LRRTM4: variants seen among roughly 807,000 people sequenced by gnomAD.
LRRTM4 encodes the protein leucine rich repeat transmembrane neuronal 4.
LRRTM4 carries 25 observed loss-of-function variants against 47.6 expected under a neutral mutation model. The observed-to-expected ratio is 0.53, with a 90% CI of 0.38 to 0.73. The LOEUF (loss-of-function observed/expected upper bound fraction) is 0.73. LRRTM4 is among the 30% of genes least tolerant of loss of function. LRRTM4 has a pLI of 0.00. For synonymous variants in LRRTM4, 311 were observed against 269.5 expected (o/e 1.15, Z -1.51); for missense variants, 638 against 713.4 (o/e 0.89, Z 1.20).
chr2:77,089,127 G>C (rs999856507), intron 3 of LRRTM4, among the ~76,000 whole-genome samples: 2 of 151,954 alleles, frequency 1.3e-5, no homozygotes, highest in African/African-American at 4.8e-5. Context: ...TCACCCTTAG[G>C]GGCAAGTCCC....
intron 3 of LRRTM4, among the ~76,000 whole-genome samples, chr2:76,999,737 C>A (rs1368661245): frequency 6.6e-6 from 1 of 152,094 alleles, no homozygotes; most frequent in Non-Finnish European, 1.5e-5. Flanking sequence ...TCAATTTTGT[C>A]TTTCACGGCA....
intron 3 of LRRTM4, among the ~76,000 whole-genome samples, chr2:76,938,791 T>C (rs1675041588): frequency 6.6e-6 from 1 of 152,174 alleles, no homozygotes; most frequent in African/African-American, 2.4e-5. Flanking sequence ...ACTGAAAAAG[T>C]ATATTTAATA....
intron 3 of LRRTM4, among the ~76,000 whole-genome samples, chr2:77,236,811 T>A (rs1048528780): frequency 6.6e-6 from 1 of 152,172 alleles, no homozygotes; most frequent in African/African-American, 2.4e-5. Flanking sequence ...TCTGTTTATA[T>A]GGTGAATCAC....
At chr2:77,183,483 G>C (rs1228491156) in intron 3 of LRRTM4, among the ~76,000 whole-genome samples, 2 of 152,082 alleles carry the variant, frequency 1.3e-5, no homozygotes, top group African/African-American at 4.8e-5. Flanking sequence ...ACTGTTGGTG[G>C]GACTGTAAAC....
intron 3 of LRRTM4, among the ~76,000 whole-genome samples, chr2:76,766,802 A>G (rs543778853): frequency 2.6e-5 from 4 of 152,228 alleles, no homozygotes; most frequent in African/African-American, 7.2e-5. Flanking sequence ...GTCTACTGGC[A>G]TCTAGTGGGT....
intron 3 of LRRTM4, among the ~76,000 whole-genome samples, chr2:76,924,364 T>C (rs1467915738): frequency 6.6e-6 from 1 of 152,132 alleles, no homozygotes; most frequent in Non-Finnish European, 1.5e-5. Flanking sequence ...ATAAACCATA[T>C]ATTCATCCCA....
chr2:76,781,487 G>A (rs967897130), intron 3 of LRRTM4, among the ~76,000 whole-genome samples: 5 of 152,222 alleles, frequency 3.3e-5, no homozygotes, highest in Non-Finnish European at 5.9e-5. Flanking sequence ...TCTGAAAAGC[G>A]CAGTATTCGG....
At chr2:76,983,221 A>G (rs948563722) in intron 3 of LRRTM4, among the ~76,000 whole-genome samples, 1 of 152,058 alleles carries the variant, frequency 6.6e-6, no homozygotes, top group Non-Finnish European at 1.5e-5. Flanking sequence ...GTATGGTTAG[A>G]ATGAGGCAGA....
intron 3 of LRRTM4, among the ~76,000 whole-genome samples, chr2:77,239,012 TA>T (rs1290854887): frequency 1.3e-5 from 2 of 151,464 alleles, no homozygotes; most frequent in East Asian, 3.9e-4. Context: ...TTTTTTTAAA[TA>T]AAAAAATTTA....
rs1182483126 is a variant in LRRTM4 at position 76,956,064 on chromosome 2, G to T, written c.1552-207148C>A. Among the ~76,000 whole-genome samples the T allele has an allele frequency of 2.0e-5, 3 of 150,858 alleles. No individual in the cohort carries two copies. In the Admixed American group the frequency reaches 2.0e-4, roughly 10 times the overall value. On this transcript the variant is annotated intron_variant, in intron 3 of 3. Transcript: ENST00000409884. ...TTCAAAGAATAATATTCAACTGTAG[G>T]CTGTCTAGAAGAGACTCATTTTAGA...
At chr2:77,259,831 A>C (rs1558657775) in intron 3 of LRRTM4, among the ~76,000 whole-genome samples, 1 of 152,090 alleles carries the variant, frequency 6.6e-6, no homozygotes, top group African/African-American at 2.4e-5. Flanking sequence ...CTTAGTTTTC[A>C]TTCCTTCCAT....
At chr2:77,219,696 T>G (rs533050482) in intron 3 of LRRTM4, among the ~76,000 whole-genome samples, 88 of 152,290 alleles carry the variant, frequency 5.8e-4, no homozygotes, top group Admixed American at 3.2e-3. Flanking sequence ...AACCTGAGGA[T>G]TCCCGCCATT....
intron 3 of LRRTM4, among the ~76,000 whole-genome samples, chr2:77,167,792 G>A (rs1672929625): frequency 1.3e-5 from 2 of 152,002 alleles, no homozygotes; most frequent in Non-Finnish European, 2.9e-5. Context: ...TCACACACTG[G>A]GCCTGTCATG....
At chr2:77,126,292 G>C (rs546816260) in intron 3 of LRRTM4, among the ~76,000 whole-genome samples, 22 of 152,066 alleles carry the variant, frequency 1.4e-4, no homozygotes, top group African/African-American at 4.6e-4. Context: ...ATTGGAGAAA[G>C]TTATACATTT....
intron 3 of LRRTM4, among the ~76,000 whole-genome samples, chr2:77,289,094 A>G (rs893856526): frequency 6.6e-6 from 1 of 152,086 alleles, no homozygotes; most frequent in Non-Finnish European, 1.5e-5. Flanking sequence ...GTATAGCTGT[A>G]TCCTTTTATT....
intron 3 of LRRTM4, among the ~76,000 whole-genome samples, chr2:77,113,871 T>C (rs779363724): frequency 2.6e-5 from 4 of 151,988 alleles, no homozygotes; most frequent in Non-Finnish European, 4.4e-5. Context: ...CTGCAAAGGT[T>C]TGAAGAGGGA....
intron 3 of LRRTM4, among the ~76,000 whole-genome samples, chr2:77,278,296 T>C (rs1451706602): frequency 6.6e-6 from 1 of 151,986 alleles, no homozygotes; most frequent in Non-Finnish European, 1.5e-5. Context: ...ATGTGAAACA[T>C]TTCAAAAATA....
chr2:77,208,482 C>T lies in LRRTM4; in HGVS notation c.1551+309836G>A, dbSNP rs568599995. On this transcript the variant is annotated intron_variant, in intron 3 of 3. Transcript: ENST00000409884. ...AAGATGGTAGGAGGAATGATACTTCCACTCACTGAGTGAGAAAAGGGAAGA... is the reference window on the plus strand; with the variant it reads ...AAGATGGTAGGAGGAATGATACTTCTACTCACTGAGTGAGAAAAGGGAAGA... Among the ~76,000 whole-genome samples, 18 of 152,264 alleles carry T rather than the reference C, an allele frequency of 1.2e-4. No individual in the cohort carries two copies. The South Asian group carries it at 3.1e-3, about 26-fold the overall frequency.
intron 3 of LRRTM4, among the ~76,000 whole-genome samples, chr2:76,932,413 A>T (rs936182428): frequency 4.6e-5 from 7 of 152,092 alleles, no homozygotes; most frequent in Admixed American, 2.0e-4. Flanking sequence ...TGATATGTAT[A>T]CAGGTACCTA....
Sources: allele counts gnomAD v4.1 joint callset (sites outside exome capture counted in the v4.1 genomes callset), GRCh38; gene constraint gnomAD v4.1.1; transcripts MANE v1.5; gene names NCBI Gene and HGNC (gene_info 2026-07-23, HGNC 2026-07-21).